The following PCDHA11 variants were observed in gnomAD, a reference collection of about 807,000 sequenced individuals.
PCDHA11 encodes protocadherin alpha 11.
Under a neutral mutation model 70.3 loss-of-function variants are expected in PCDHA11, and 61 were observed. That is an observed-to-expected ratio of 0.87 (90% CI 0.71 to 1.07). The LOEUF is 1.07. Among genes scored for constraint, PCDHA11 ranks in the 50% least tolerant of loss-of-function variants. The pLI, the probability that PCDHA11 is intolerant of heterozygous loss-of-function variation, is 0.00. For missense variants in PCDHA11, 1,324 were observed against 1,237.5 expected (o/e 1.07, Z -1.05); for synonymous variants, 633 against 555.1 (o/e 1.14, Z -1.97).
In PCDHA11 at chr5:140,927,340, G is replaced by A. The variant is rs77098674; in HGVS notation, c.2392-51609G>A. ...CCGCTTTACTCTCCCGAATGCCCAAGATGACGACGAGGGAAGCAATGGGAT... is the reference window on the plus strand; with the variant it reads ...CCGCTTTACTCTCCCGAATGCCCAAAATGACGACGAGGGAAGCAATGGGAT... On this transcript the variant is annotated intron_variant, in intron 1 of 3. Coordinates refer to ENST00000398640, the MANE Select transcript of PCDHA11 (RefSeq NM_018902.5). The A allele has an allele frequency of 8.1e-6, 13 of 1,614,032 alleles. No individual in the cohort carries two copies. The African/African-American group carries it at 1.5e-4, about 18-fold the overall frequency.
chr5:140,910,346 G>C (rs2074987326), intron 1 of PCDHA11, among the ~76,000 whole-genome samples: 1 of 152,152 alleles, frequency 6.6e-6, no homozygotes, highest in Admixed American at 6.5e-5. Flanking sequence ...CTTTGCCTCT[G>C]CTGTCCATTA....
At chr5:140,933,659 C>G (rs552302723) in intron 1 of PCDHA11, among the ~76,000 whole-genome samples, 1 of 152,058 alleles carries the variant, frequency 6.6e-6, no homozygotes, top group East Asian at 1.9e-4. Context: ...TCCTGTCTCT[C>G]TCTCTGTCTC....
chr5:140,979,882 A>C (rs1554241172), intron 2 of PCDHA11, among the ~76,000 whole-genome samples: 1 of 152,274 alleles, frequency 6.6e-6, no homozygotes, highest in Non-Finnish European at 1.5e-5. Context: ...TATCAAGTGA[A>C]TATTCACCAA....
At chr5:140,888,213 T>A (rs1460298215) in intron 1 of PCDHA11, among the ~76,000 whole-genome samples, 1 of 152,170 alleles carries the variant, frequency 6.6e-6, no homozygotes, top group East Asian at 1.9e-4. Context: ...CTGGATTTTG[T>A]GTGTGTGTGC....
At chr5:140,898,015 T>C (rs376663063) in intron 1 of PCDHA11, among the ~76,000 whole-genome samples, 3 of 152,154 alleles carry the variant, frequency 2.0e-5, no homozygotes, top group Non-Finnish European at 4.4e-5. Context: ...TCATATCCTT[T>C]GCCCACTTTT....
At chr5:140,966,839 C>T (rs782091529) in intron 1 of PCDHA11, 14 of 1,567,058 alleles carry the variant, frequency 8.9e-6, no homozygotes, top group Non-Finnish European at 1.1e-5. Flanking sequence ...CTGGCTGCTG[C>T]TACTGCCTCT....
intron 1 of PCDHA11, among the ~76,000 whole-genome samples, chr5:140,912,519 T>G (rs770184717): frequency 6.6e-6 from 1 of 152,164 alleles, no homozygotes. Context: ...TCTTTAGGGT[T>G]TTCAGAGTAC....
chr5:140,871,271 C>T lies in PCDHA11; in HGVS notation c.2168C>T (p.Ser723Leu), dbSNP rs1369255733. The change falls in exon 1 of 4, where the codon TCG (serine) becomes TTG (leucine). Residue 723 changes from serine to leucine, a missense_variant. By Grantham distance (145) the Ser-to-Leu change is moderately radical (BLOSUM62 -2). Transcript: ENST00000398640. ...CTGCTGTATACGGCGCTGTGGTGGT[C>T]GGCAACGCCCACTGAGGGCGCGTGC... is the stretch of plus-strand genomic sequence containing the variant. ...TLLLYTALWWSATPTEGACAP... is the reference protein window; with the variant it reads ...TLLLYTALWWLATPTEGACAP... The T allele has an allele frequency of 6.2e-7, 1 of 1,613,830 alleles. No individual in the cohort carries two copies. Among genetic ancestry groups the T allele is most frequent in the African/African-American group, 1.3e-5 (1 of 74,942 alleles).
At chr5:140,950,131 C>G (rs1030150193) in intron 1 of PCDHA11, among the ~76,000 whole-genome samples, 6 of 151,858 alleles carry the variant, frequency 4.0e-5, no homozygotes, top group Non-Finnish European at 7.4e-5. Flanking sequence ...CCACAAGACA[C>G]AGTTATAATT....
In PCDHA11 at chr5:140,870,990, G is replaced by C; in HGVS notation, c.1887G>C (p.Glu629Asp). The change falls in exon 1 of 4, where the codon GAG becomes GAC. Residue 629 changes from glutamate (E) to aspartate (D), a missense_variant. By Grantham distance (45) the Glu-to-Asp change is conservative. Coordinates refer to ENST00000398640, the MANE Select transcript of PCDHA11 (RefSeq NM_018902.5). Reference protein sequence around the residue: ...IPFRVGLYTGEISTTRALDEA... With the variant: ...IPFRVGLYTGDISTTRALDEA... ...TCCGCGTGGGGCTGTACACGGGCGA[G>C]ATAAGCACAACGCGTGCCCTGGACG... is the stretch of plus-strand genomic sequence containing the variant. 6 of 1,613,518 alleles carry C rather than the reference G, an allele frequency of 3.7e-6. No homozygotes were observed. The highest frequency in any genetic ancestry group is 5.1e-6 in the Non-Finnish European group (6 of 1,179,882).
At chr5:140,975,304 G>A (rs1395392874) in intron 1 of PCDHA11, among the ~76,000 whole-genome samples, 2 of 152,200 alleles carry the variant, frequency 1.3e-5, no homozygotes, top group African/African-American at 2.4e-5. Context: ...AAGAGCTCAT[G>A]TGATTATGTC....
intron 1 of PCDHA11, among the ~76,000 whole-genome samples, chr5:140,895,931 C>A (rs1365477787): frequency 5.3e-5 from 8 of 152,210 alleles, no homozygotes; most frequent in African/African-American, 1.9e-4. Flanking sequence ...CTGCCTCAGC[C>A]TCCCGAGTAG....
At chr5:140,933,663 C>G (rs1340033934) in intron 1 of PCDHA11, among the ~76,000 whole-genome samples, 4 of 152,128 alleles carry the variant, frequency 2.6e-5, no homozygotes, top group African/African-American at 7.2e-5. Context: ...GTCTCTCTCT[C>G]TGTCTCTCTC....
At chr5:140,915,770 A>G (rs1215607027) in intron 1 of PCDHA11, among the ~76,000 whole-genome samples, 4 of 151,908 alleles carry the variant, frequency 2.6e-5, no homozygotes, top group African/African-American at 4.8e-5. Context: ...GTCTTGTCCA[A>G]GGCCTGCTGT....
At chr5:140,945,369 A>T (rs2153669585) in intron 1 of PCDHA11, among the ~76,000 whole-genome samples, 1 of 152,234 alleles carries the variant, frequency 6.6e-6, no homozygotes, top group African/African-American at 2.4e-5. Flanking sequence ...TAAAATGTCC[A>T]TATTACCCAA....
chr5:140,869,752 G>C lies in PCDHA11; in HGVS notation c.649G>C (p.Gly217Arg), dbSNP rs1398153775. The change falls in exon 1 of 4, where the codon GGG becomes CGG. Residue 217 changes from glycine to arginine, a missense_variant. By Grantham distance (125) the Gly-to-Arg change is moderately radical. Coordinates refer to ENST00000398640, the MANE Select transcript of PCDHA11 (RefSeq NM_018902.5). The stretch of plus-strand genomic sequence containing the variant: ...TAATTTGCTGCTAACAGCTACAGAC[G>C]GGGGAAAACCAGAGCTTACTGGCAC... ...ELNLLLTATD[G>R]GKPELTGTVR... 22 of 1,613,136 alleles carry C rather than the reference G, an allele frequency of 1.4e-5. No individual in the cohort carries two copies. The highest frequency in any genetic ancestry group is 1.6e-4 in the Middle Eastern group (1 of 6,062).
chr5:140,990,155 G>A (rs1483856647), intron 3 of PCDHA11, among the ~76,000 whole-genome samples: 2 of 152,076 alleles, frequency 1.3e-5, no homozygotes, highest in Admixed American at 6.5e-5. Context: ...ATAATAGAAA[G>A]TTAGGGTATG....
chr5:140,992,584 T>G (rs1327367703), intron 3 of PCDHA11, among the ~76,000 whole-genome samples: 1 of 152,194 alleles, frequency 6.6e-6, no homozygotes, highest in Non-Finnish European at 1.5e-5. Context: ...CTGCCTTGTA[T>G]GCATCTAGCG....
chr5:140,976,449 G>T (rs1554237649), intron 1 of PCDHA11, among the ~76,000 whole-genome samples: 1 of 152,136 alleles, frequency 6.6e-6, no homozygotes, highest in Non-Finnish European at 1.5e-5. Flanking sequence ...TACTAGGGAG[G>T]CTGGGGAAGA....
Sources: allele counts gnomAD v4.1 joint callset (sites outside exome capture counted in the v4.1 genomes callset), GRCh38; gene constraint gnomAD v4.1.1; transcripts MANE v1.5; gene names NCBI Gene and HGNC (gene_info 2026-07-23, HGNC 2026-07-21).